The following AOAH variants were observed in gnomAD, a reference collection of about 807,000 sequenced individuals.
The protein encoded by AOAH is acyloxyacyl hydrolase (neutrophil).
In AOAH, 64 loss-of-function variants were observed where a neutral mutation model predicts 92.2. The observed-to-expected ratio is 0.69, with a 90% confidence interval of 0.57 to 0.86. The LOEUF (loss-of-function observed/expected upper bound fraction) is 0.86, where lower values mean the gene tolerates loss of function less well. Ranked by LOEUF, AOAH falls within the 40% of genes least tolerant of loss-of-function variation. AOAH has a pLI of 0.00. For synonymous variants in AOAH, 263 were observed against 254.5 expected (o/e 1.03, Z -0.32); for missense variants, 656 against 694.6 (o/e 0.94, Z 0.62).
At chr7:36,674,866 A>C (rs1796141660) in intron 2 of AOAH, among the ~76,000 whole-genome samples, 1 of 152,232 alleles carries the variant, frequency 6.6e-6, no homozygotes, top group African/African-American at 2.4e-5. Context: ...CTGGTACTTC[A>C]ATTTTGCTTA....
In AOAH at chr7:36,523,629, G is replaced by GTTTTTTTTTTTTT. The variant is rs57628897; in HGVS notation, c.1523-1527_1523-1515dup. 6.0e-5 allele frequency among the ~76,000 whole-genome samples: 6 copies of GTTTTTTTTTTTTT among 100,138 alleles called. 1 individual carries two copies. Among genetic ancestry groups the GTTTTTTTTTTTTT allele is most frequent in the East Asian group, 6.5e-4 (2 of 3,096 alleles). The allele number at this position is 100,138 out of a possible 152,430, so 65.7% of individuals were successfully genotyped here. A position where few individuals can be genotyped will look rare whatever the true frequency, so the allele number is the denominator to read the frequency against. ...TCAGTTTGCCTGGCCTGTTTTGCCTGTTTTTTTTTTTTTTTTTTTTGGCAT... is the reference window on the plus strand; with the variant it reads ...TCAGTTTGCCTGGCCTGTTTTGCCTGTTTTTTTTTTTTTTTTTTTTTTTTTTTTTTTTTGGCAT... On this transcript the variant is annotated intron_variant, in intron 19 of 20. Coordinates refer to ENST00000617537, the MANE Select transcript of AOAH (RefSeq NM_001637.4).
At chr7:36,690,859 G>A (rs1030795179) in intron 1 of AOAH, among the ~76,000 whole-genome samples, 6 of 152,160 alleles carry the variant, frequency 3.9e-5, no homozygotes, top group Non-Finnish European at 8.8e-5. Flanking sequence ...GATCACATCT[G>A]GCCACATACC....
Position 36,629,768 on chromosome 7 carries a change from G to A in AOAH, c.521+2268C>T, listed in dbSNP as rs959114447. Among the ~76,000 whole-genome samples, 9 of 152,330 alleles carry A rather than the reference G, an allele frequency of 5.9e-5. No homozygotes were observed. In the East Asian group the frequency reaches 1.5e-3, roughly 26 times the overall value. On this transcript the variant is annotated intron_variant, in intron 6 of 20. Transcript: ENST00000617537. The stretch of plus-strand genomic sequence containing the variant: ...GATATTATTACAACAGATGAGAGAT[G>A]TTCAGTGGACTTAGTACTCATGAAG...
Position 36,532,155 on chromosome 7 carries a change from T to C in AOAH, c.1417A>G (p.Thr473Ala), listed in dbSNP as rs779258732. Residue 473 changes from threonine (T) to alanine (A), a missense_variant, in exon 18 of 21, where the codon ACT becomes GCT. Thr to Ala is a moderately conservative substitution (Grantham distance 58). Coordinates refer to ENST00000617537, the MANE Select transcript of AOAH (RefSeq NM_001637.4). Reference protein sequence around the residue: ...MSSNKTLRTLTSERAEQLSNT... With the variant: ...MSSNKTLRTLASERAEQLSNT... Reference sequence around the variant, plus strand: ...GCCTGTGACAGTCATACCTCTGAAGTGAGAGTCCGCAACGTCTTGTTGGAA... The same window carrying C: ...GCCTGTGACAGTCATACCTCTGAAGCGAGAGTCCGCAACGTCTTGTTGGAA... 4 of 1,613,910 alleles carry C rather than the reference T, an allele frequency of 2.5e-6. No individual in the cohort carries two copies. In the African/African-American group the frequency reaches 4.0e-5, roughly 16 times the overall value.
At chr7:36,600,023 T>C (rs992269575) in intron 11 of AOAH, 1 of 152,374 alleles carries the variant, frequency 6.6e-6, no homozygotes. Flanking sequence ...GCTGCATGAA[T>C]CTGTCCTACA....
chr7:36,519,077 T>C (rs2392441), intron 20 of AOAH, among the ~76,000 whole-genome samples: 146,000 of 152,228 alleles, frequency 0.96, 70,337 homozygotes, highest in East Asian at 1. Flanking sequence ...CCTACCAAAT[T>C]ACCCTCCACG....
At chr7:36,667,896 T>C (rs1795643988) in intron 3 of AOAH, among the ~76,000 whole-genome samples, 1 of 152,212 alleles carries the variant, frequency 6.6e-6, no homozygotes, top group African/African-American at 2.4e-5. Context: ...AATGCTAGCA[T>C]GGTATAGCTT....
intron 3 of AOAH, among the ~76,000 whole-genome samples, chr7:36,668,639 G>A (rs912836248): frequency 2.0e-5 from 3 of 152,034 alleles, no homozygotes; most frequent in East Asian, 1.9e-4. Context: ...GAGGTGCACC[G>A]CCACCCCCGG....
intron 3 of AOAH, among the ~76,000 whole-genome samples, chr7:36,670,199 A>G (rs1337455539): frequency 6.6e-6 from 1 of 152,254 alleles, no homozygotes; most frequent in East Asian, 1.9e-4. Context: ...TAGAAAATAC[A>G]TTTAATATTG....
At chr7:36,628,193 C>T (rs1362241166) in intron 6 of AOAH, among the ~76,000 whole-genome samples, 1 of 152,088 alleles carries the variant, frequency 6.6e-6, no homozygotes, top group Admixed American at 6.5e-5. Flanking sequence ...TGAATTAACA[C>T]AATCAACAAG....
intron 13 of AOAH, among the ~76,000 whole-genome samples, chr7:36,568,015 G>A (rs1787833828): frequency 6.6e-6 from 1 of 152,206 alleles, no homozygotes; most frequent in Admixed American, 6.5e-5. Flanking sequence ...TTATTAATAT[G>A]TGCATTGCAC....
chr7:36,530,185 G>A (rs192032511), intron 19 of AOAH, among the ~76,000 whole-genome samples: 35 of 152,238 alleles, frequency 2.3e-4, no homozygotes, highest in Admixed American at 1.7e-3. Context: ...ATTGCATCAG[G>A]GATTCTAAAA....
At chr7:36,517,226 G>GTCTCTC (rs68054405) in intron 20 of AOAH, among the ~76,000 whole-genome samples, 2 of 121,454 alleles carry the variant, frequency 1.6e-5, no homozygotes, top group Non-Finnish European at 3.2e-5. Context: ...CTTTCTTTCT[G>GTCTCTC]TCTCTCTCTC....
intron 1 of AOAH, among the ~76,000 whole-genome samples, chr7:36,723,408 A>AC (rs1384564312): frequency 6.6e-6 from 1 of 152,244 alleles, no homozygotes; most frequent in East Asian, 1.9e-4. Context: ...AGCCATATCA[A>AC]CGCTCAGCGT....
intron 2 of AOAH, among the ~76,000 whole-genome samples, chr7:36,686,172 C>T (rs1285142335): frequency 6.6e-6 from 1 of 152,072 alleles, no homozygotes; most frequent in Non-Finnish European, 1.5e-5. Flanking sequence ...CAGTTTCTAC[C>T]TTTGGTGGAT....
At chr7:36,696,867 G>GA (rs35003639) in intron 1 of AOAH, among the ~76,000 whole-genome samples, 34,692 of 149,986 alleles carry the variant, frequency 0.23, 4,456 homozygotes, top group African/African-American at 0.35. Flanking sequence ...TACGTCTCCA[G>GA]AAACAAAAAA....
intron 11 of AOAH, among the ~76,000 whole-genome samples, chr7:36,597,170 C>T (rs762838546): frequency 6.6e-6 from 1 of 152,040 alleles, no homozygotes; most frequent in Non-Finnish European, 1.5e-5. Context: ...ATGATTTATC[C>T]TCTTTAAAAA....
chr7:36,569,642 C>G (rs899375238), intron 13 of AOAH, among the ~76,000 whole-genome samples: 4 of 151,104 alleles, frequency 2.6e-5, no homozygotes, highest in African/African-American at 7.3e-5. Flanking sequence ...GGAGTTTCCA[C>G]TCTTGCTGCC....
chr7:36,555,647 T>G (rs1786649329), intron 13 of AOAH, among the ~76,000 whole-genome samples: 1 of 152,120 alleles, frequency 6.6e-6, no homozygotes, highest in South Asian at 2.1e-4. Flanking sequence ...CTATTGATTA[T>G]TGCCACAATT....
Sources: gnomAD v4.1 joint callset for allele counts (sites outside exome capture counted in the v4.1 genomes callset) on GRCh38, gnomAD v4.1.1 for gene constraint, MANE v1.5 for transcripts, NCBI Gene and HGNC (gene_info 2026-07-23, HGNC 2026-07-21) for gene names.